Variants in SNX29 observed in about 807,000 individuals in gnomAD.
SNX29 encodes sorting nexin 29, also known as sorting nexin-29.
Under a neutral mutation model 102.1 loss-of-function variants are expected in SNX29, and 78 were observed. The observed-to-expected ratio is 0.76, with a 90% confidence interval of 0.64 to 0.92. SNX29 has a LOEUF of 0.92. Among genes scored for constraint, SNX29 ranks in the 40% least tolerant of loss-of-function variants. The probability of loss-of-function intolerance (pLI) is 0.00; values close to 1 mark genes in which losing one functional copy is unlikely to be tolerated. For missense variants in SNX29, 1,280 were observed against 1,061.7 expected, an observed-to-expected ratio of 1.21 and a Z score of -2.86; for synonymous variants, 580 against 414.5, an observed-to-expected ratio of 1.40 and a Z score of -4.85.
Position 12,277,981 on chromosome 16 carries a change from A to G in SNX29, c.1727A>G (p.Lys576Arg). The G allele has an allele frequency of 6.2e-7, 1 of 1,609,658 alleles. No homozygotes were observed. The highest frequency in any genetic ancestry group is 8.5e-7 in the Non-Finnish European group (1 of 1,177,926). Residue 576 changes from lysine to arginine, a missense_variant, in exon 15 of 21, where the codon AAG becomes AGG. Physicochemically the swap from Lys to Arg is conservative, Grantham distance 26 (BLOSUM62 2). Coordinates refer to ENST00000566228, the MANE Select transcript of SNX29 (RefSeq NM_032167.5). ...VDGEVTVAEQ[K>R]PGEIAEELAS... The stretch of plus-strand genomic sequence containing the variant: ...GGAGAAGTTACAGTAGCTGAACAGA[A>G]GCCGGGAGAAATTGCTGAAGAACTC...
intron 14 of SNX29, among the ~76,000 whole-genome samples, chr16:12,243,325 G>A (rs1318073425): frequency 6.6e-6 from 1 of 152,178 alleles, no homozygotes; most frequent in Non-Finnish European, 1.5e-5. Flanking sequence ...TTCCTGTCTG[G>A]CCCTCGCTGA....
chr16:12,451,065 G>A (rs1165044218), intron 18 of SNX29, among the ~76,000 whole-genome samples: 1 of 152,116 alleles, frequency 6.6e-6, no homozygotes, highest in Non-Finnish European at 1.5e-5. Flanking sequence ...GAGAAAGTAC[G>A]TCTCCTGCCC....
At chr16:12,403,608 C>G in intron 18 of SNX29, 79 bp downstream of exon 18, 1 of 1,379,294 alleles carries the variant, frequency 7.3e-7, no homozygotes, top group East Asian at 2.5e-5. Flanking sequence ...CTTTTTGCCT[C>G]TTGGTGGTGG....
chr16:12,477,629 C>G (rs2087716400), intron 18 of SNX29, 90 bp from the exon 19 acceptor site: 1 of 1,459,992 alleles, frequency 6.8e-7, no homozygotes, highest in Non-Finnish European at 9.4e-7. Flanking sequence ...ACTCTTGCTG[C>G]AGTTGGTTTT....
At chr16:12,252,599 C>T (rs531501577) in intron 14 of SNX29, among the ~76,000 whole-genome samples, 2 of 152,360 alleles carry the variant, frequency 1.3e-5, no homozygotes, top group South Asian at 4.1e-4. Context: ...AACGTGTGTG[C>T]ATTTCCCGGT....
At chr16:11,978,542 T>C (rs1307179940) in intron 1 of SNX29, among the ~76,000 whole-genome samples, 1 of 152,224 alleles carries the variant, frequency 6.6e-6, no homozygotes, top group African/African-American at 2.4e-5. Flanking sequence ...CAGAGCTGCC[T>C]GCTGTTGTTT....
chr16:12,509,213 C>T (rs1300115998), intron 19 of SNX29, among the ~76,000 whole-genome samples: 1 of 152,156 alleles, frequency 6.6e-6, no homozygotes, highest in East Asian at 1.9e-4. Context: ...CCTGGGTGAC[C>T]GTCACAGTTG....
At chr16:12,383,870 C>T (rs2083263449) in intron 16 of SNX29, among the ~76,000 whole-genome samples, 2 of 151,568 alleles carry the variant, frequency 1.3e-5, no homozygotes, top group Admixed American at 6.6e-5. Context: ...CTCCTCCCTC[C>T]ACTACCCTTC....
In SNX29 at chr16:12,199,595, C is replaced by T; in HGVS notation, c.1596-6C>T. The T allele has an allele frequency of 3.7e-6, 6 of 1,610,480 alleles. No individual in the cohort carries two copies. Among genetic ancestry groups the T allele is most frequent in the Non-Finnish European group, 5.1e-6 (6 of 1,178,118 alleles). ...ATATATTTTTTTAACATTCTTGTAC[C>T]TGCAGAGAGAACGAGGTGCTCAAAG... On this transcript the variant is annotated splice_region_variant and splice_polypyrimidine_tract_variant and intron_variant, in intron 13 of 20. Transcript: ENST00000566228.
At chr16:12,282,042 G>T (rs2079447356) in intron 15 of SNX29, among the ~76,000 whole-genome samples, 5 of 134,276 alleles carry the variant, frequency 3.7e-5, no homozygotes, top group Non-Finnish European at 7.6e-5. Context: ...TGGGATCATG[G>T]CTCTGCACTC....
rs552859186 is a variant in SNX29, at chr16:12,117,085, G to A, written c.1403-9548G>A. 6.1e-5 allele frequency among the ~76,000 whole-genome samples: 8 copies of A among 130,950 alleles called. No individual in the cohort carries two copies. The South Asian group carries it at 1.4e-3, about 24-fold the overall frequency. The allele number at this position is 130,950 out of a possible 152,430, so 85.9% of individuals were successfully genotyped here. On this transcript the variant is annotated intron_variant, in intron 11 of 20. Coordinates refer to ENST00000566228, the MANE Select transcript of SNX29 (RefSeq NM_032167.5). Reference sequence around the variant, plus strand: ...CAATGCGGACGAACCATGGAAACAGGCGTGGTCAATACGTGCTTCAGTGCG... The same window carrying A: ...CAATGCGGACGAACCATGGAAACAGACGTGGTCAATACGTGCTTCAGTGCG...
At chr16:12,039,620 G>C (rs1437949587) in intron 4 of SNX29, among the ~76,000 whole-genome samples, 1 of 152,184 alleles carries the variant, frequency 6.6e-6, no homozygotes, top group Non-Finnish European at 1.5e-5. Context: ...TCACATTTCA[G>C]AGGGGACTGT....
chr16:12,532,788 C>T (rs987527428), intron 20 of SNX29, among the ~76,000 whole-genome samples: 23 of 152,254 alleles, frequency 1.5e-4, no homozygotes, highest in African/African-American at 4.8e-4. Context: ...GGGGCAGAGG[C>T]AGGAGGAGGT....
intron 3 of SNX29, among the ~76,000 whole-genome samples, chr16:12,006,004 A>T (rs953456417): frequency 6.6e-6 from 1 of 152,144 alleles, no homozygotes; most frequent in South Asian, 2.1e-4. Flanking sequence ...TCTTTCTGTG[A>T]TAACTGTTGT....
intron 14 of SNX29, among the ~76,000 whole-genome samples, chr16:12,206,351 T>G (rs2077043134): frequency 7.2e-6 from 1 of 138,236 alleles, no homozygotes; most frequent in Admixed American, 8.3e-5. Context: ...TTGCTGGGAG[T>G]GATGTGCTGG....
chr16:12,435,582 GA>G (rs1286913904), intron 18 of SNX29, among the ~76,000 whole-genome samples: 1 of 152,210 alleles, frequency 6.6e-6, no homozygotes, highest in East Asian at 1.9e-4. Flanking sequence ...ACACAGTCTA[GA>G]AAACACCAGA....
chr16:12,431,118 C>G (rs1597356854), intron 18 of SNX29, among the ~76,000 whole-genome samples: 1 of 152,186 alleles, frequency 6.6e-6, no homozygotes, highest in Non-Finnish European at 1.5e-5. Context: ...TCCCAAAGTG[C>G]TGGGATTACA....
intron 1 of SNX29, among the ~76,000 whole-genome samples, chr16:11,993,900 C>A (rs1367325554): frequency 6.6e-6 from 1 of 152,200 alleles, no homozygotes; most frequent in Non-Finnish European, 1.5e-5. Context: ...GCAGGCAGAT[C>A]ACCTGAGGTC....
chr16:11,984,984 A>C (rs1185409271), intron 1 of SNX29, among the ~76,000 whole-genome samples: 2 of 151,898 alleles, frequency 1.3e-5, no homozygotes, highest in Non-Finnish European at 2.9e-5. Context: ...TTCTGTTATA[A>C]GTAATGATGC....
Sources: gnomAD v4.1 joint callset for allele counts (sites outside exome capture counted in the v4.1 genomes callset) on GRCh38, gnomAD v4.1.1 for gene constraint, MANE v1.5 for transcripts, NCBI Gene and HGNC (gene_info 2026-07-23, HGNC 2026-07-21) for gene names.